The following FGA variants were observed in gnomAD, a reference collection of about 807,000 sequenced individuals.
The protein encoded by FGA is fibrinogen alpha chain.
Under a neutral mutation model 20.3 loss-of-function variants are expected in FGA, and 20 were observed. The ratio of observed to expected loss-of-function variants is 0.99; its 90% CI spans 0.69 to 1.43. The LOEUF (loss-of-function observed/expected upper bound fraction) is 1.43, where lower values mean the gene tolerates loss of function less well. FGA is among the 40% of genes most tolerant of loss of function. The pLI, the probability that FGA is intolerant of heterozygous loss-of-function variation, is 0.00. For synonymous variants in FGA, 306 were observed against 281.6 expected, an observed-to-expected ratio of 1.09 and a Z score of -0.87; for missense variants, 777 against 784.7, an observed-to-expected ratio of 0.99 and a Z score of 0.12.
rs1578795816 is a variant in FGA at position 154,586,275 on chromosome 4, T to C, written c.1154A>G (p.Gln385Arg). The change falls in exon 5 of 5, where the codon CAA (glutamine) becomes CGA (arginine). Residue 385 changes from glutamine (Q) to arginine (R), a missense_variant. Coordinates refer to ENST00000403106, the MANE Select transcript of FGA (RefSeq NM_021871.4). Reference sequence around the variant, plus strand: ...AAAACTTCCAGATTCAGAGTGCCATTGTCCAGTACTACCAGATACAGAGCT... The same window carrying C: ...AAAACTTCCAGATTCAGAGTGCCATCGTCCAGTACTACCAGATACAGAGCT... Reference protein sequence around the residue: ...SESSVSGSTGQWHSESGSFRP... With the variant: ...SESSVSGSTGRWHSESGSFRP... The C allele has an allele frequency of 3.7e-6, 6 of 1,614,154 alleles. No homozygotes were observed. Among genetic ancestry groups the C allele is most frequent in the Non-Finnish European group, 5.1e-6 (6 of 1,180,008 alleles).
At chr4:154,589,633 G>A (rs1291839508) in intron 1 of FGA, 71 bp from the exon 2 acceptor site, 1 of 1,546,960 alleles carries the variant, frequency 6.5e-7, no homozygotes, top group African/African-American at 1.4e-5. Context: ...ACAGTGGCAT[G>A]CCTACAAGTC....
Position 154,585,517 on chromosome 4 carries a change from C to T in FGA, c.1912G>A (p.Gly638Arg), listed in dbSNP as rs771429165. The T allele has an allele frequency of 3.7e-6, 6 of 1,610,812 alleles. No homozygotes were observed. In the East Asian group the frequency reaches 1.1e-4, roughly 30 times the overall value. ...GTCTAGGGGGACAGGGAAGGCTTCC[C>T]CAAAGGAGAAGTGTGGATACCTCTG... ...PVRGIHTSPL[G>R]KPSLSP Residue 638 changes from glycine (G) to arginine (R), a missense_variant, in exon 5 of 5, where the codon GGG becomes AGG. By Grantham distance (125) the Gly-to-Arg change is moderately radical. Transcript: ENST00000403106.
intron 2 of FGA, 36 bp from the exon 3 acceptor site, chr4:154,589,012 A>C (rs374355310): frequency 2.6e-6 from 4 of 1,525,488 alleles, no homozygotes; most frequent in South Asian, 1.1e-5. Flanking sequence ...GTAAGGATCT[A>C]TCTCTCAGAT....
intron 3 of FGA, 121 bp downstream of exon 3, chr4:154,588,672 A>G (rs1386349580): frequency 2.1e-5 from 16 of 751,532 alleles, no homozygotes; most frequent in Non-Finnish European, 1.9e-5. Flanking sequence ...TTATGAAGGT[A>G]TGTGTTTCTA....
Position 154,585,579 on chromosome 4 carries a change from T to C in FGA, c.1850A>G (p.His617Arg), listed in dbSNP as rs578214631. 3 of 1,614,174 alleles carry C rather than the reference T, an allele frequency of 1.9e-6. No individual in the cohort carries two copies. The highest frequency in any genetic ancestry group is 2.5e-6 in the Non-Finnish European group (3 of 1,180,008). Residue 617 changes from histidine (H) to arginine (R), a missense_variant, in exon 5 of 5, where the codon CAT (histidine) becomes CGT (arginine). His to Arg is a conservative substitution (Grantham distance 29). Transcript: ENST00000403106. Reference protein sequence around the residue: ...AGSEADHEGTHSTKRGHAKSR... With the variant: ...AGSEADHEGTRSTKRGHAKSR... Reference sequence around the variant, plus strand: ...TTTAGCATGGCCTCTCTTGGTGCTATGTGTTCCTTCATGATCGGCTTCACT... The same window carrying C: ...TTTAGCATGGCCTCTCTTGGTGCTACGTGTTCCTTCATGATCGGCTTCACT...
Position 154,588,975 on chromosome 4 carries a change from T to C in FGA, c.182A>G (p.Asn61Ser). Reference protein sequence around the residue: ...DWPFCSDEDWNYKCPSGCRMK... With the variant: ...DWPFCSDEDWSYKCPSGCRMK... ...CCTGCAGCCAGAAGGGCATTTGTAG[T>C]TCTGAAAGTGAAGGGAGAAAATTAC... The change falls in exon 3 of 5, where the codon AAC (asparagine) becomes AGC (serine). Residue 61 changes from asparagine to serine, a missense_variant and splice_region_variant. By Grantham distance (46) the Asn-to-Ser change is conservative (BLOSUM62 1). Coordinates refer to ENST00000403106, the MANE Select transcript of FGA (RefSeq NM_021871.4). The C allele has an allele frequency of 1.2e-6, 2 of 1,612,480 alleles. No individual in the cohort carries two copies. Among genetic ancestry groups the C allele is most frequent in the South Asian group, 1.1e-5 (1 of 91,044 alleles).
intron 3 of FGA, 45 bp downstream of exon 3, chr4:154,588,748 G>A: frequency 7.4e-7 from 1 of 1,342,684 alleles, no homozygotes; most frequent in Non-Finnish European, 1.1e-6. Flanking sequence ...TAGGATTTTT[G>A]TTGTTTCTGT....
intron 3 of FGA, 131 bp downstream of exon 3, chr4:154,588,662 T>G: frequency 1.4e-6 from 1 of 706,926 alleles, no homozygotes; most frequent in Non-Finnish European, 2.5e-6. Flanking sequence ...TTCAGGGATA[T>G]TATGAAGGTA....
rs1238328485 is a variant in FGA at position 154,586,605 on chromosome 4, G to A, written c.824C>T (p.Thr275Ile). The part of the protein sequence containing the change: ...GGNEITRGGS[T>I]SYGTGSETES... ...CGTCTCTGATCCGGTTCCATAAGAG[G>A]TGGAGCCTCCTCGAGTAATCTCATT... The change falls in exon 5 of 5, where the codon ACC (threonine) becomes ATC (isoleucine). Residue 275 changes from threonine to isoleucine, a missense_variant. Transcript: ENST00000403106. 6.2e-6 allele frequency: 10 copies of A among 1,613,864 alleles called. No homozygotes were observed. Among genetic ancestry groups the A allele is most frequent in the Non-Finnish European group, 7.6e-6 (9 of 1,179,980 alleles).
rs779880607 is a variant in FGA at position 154,586,323 on chromosome 4, C to T, written c.1106G>A (p.Ser369Asn). Residue 369 changes from serine to asparagine, a missense_variant, in exon 5 of 5, where the codon AGT becomes AAT. By Grantham distance (46) the Ser-to-Asn change is conservative. Coordinates refer to ENST00000403106, the MANE Select transcript of FGA (RefSeq NM_021871.4). ...GCTCTCAGAGGTCCAGTGCCCAGCA[C>T]TTCCGCGTTCAGAGCTGCCAGGATT... is the stretch of plus-strand genomic sequence containing the variant. ...TWNPGSSERGSAGHWTSESSV... is the reference protein window; with the variant it reads ...TWNPGSSERGNAGHWTSESSV... 8.7e-6 allele frequency: 14 copies of T among 1,614,100 alleles called. No homozygotes were observed. Among genetic ancestry groups the T allele is most frequent in the Non-Finnish European group, 1.0e-5 (12 of 1,180,038 alleles).
In FGA at chr4:154,588,859, T is replaced by G; in HGVS notation, c.298A>C (p.Lys100Gln). Residue 100 changes from lysine (K) to glutamine (Q), a missense_variant, in exon 3 of 5, where the codon AAG becomes CAG. Coordinates refer to ENST00000403106, the MANE Select transcript of FGA (RefSeq NM_021871.4). Reference protein sequence around the residue: ...NSLFEYQKNNKDSHSLTTNIM... With the variant: ...NSLFEYQKNNQDSHSLTTNIM... Reference sequence around the variant, plus strand: ...TTAGTGGTCAACGAATGAGAATCCTTATTGTTCTTCTGATATTCAAATAGT... The same window carrying G: ...TTAGTGGTCAACGAATGAGAATCCTGATTGTTCTTCTGATATTCAAATAGT... 1 of 1,612,370 alleles carries G rather than the reference T, an allele frequency of 6.2e-7. No individual in the cohort carries two copies. The highest frequency in any genetic ancestry group is 8.5e-7 in the Non-Finnish European group (1 of 1,178,830).
In FGA at chr4:154,587,492, G is replaced by T. The variant is rs1392569150; in HGVS notation, c.510+20C>A. ...TCTACTCAGAAACAAGGACATCTGG[G>T]ACCACAGCCACATACTTACCTCCAG... On this transcript the variant is annotated intron_variant, in intron 4 of 4. Transcript: ENST00000403106. The T allele has an allele frequency of 6.2e-7, 1 of 1,612,254 alleles. No homozygotes were observed.
chr4:154,587,785 AAGAAAG>A (rs962142987), intron 3 of FGA, 128 bp from the exon 4 acceptor site: 1 of 724,452 alleles, frequency 1.4e-6, no homozygotes, highest in African/African-American at 1.8e-5. Flanking sequence ...GAAAGAAAGA[AAGAAAG>A]AAAGAAAGAA....
downstream of FGA, chr4:154,583,706 T>C (rs1730639287): frequency 1.7e-5 from 3 of 178,858 alleles, no homozygotes; most frequent in South Asian, 3.8e-4. Flanking sequence ...TTCAGTGAGT[T>C]TTACCTTAAA....
intron 3 of FGA, 95 bp from the exon 4 acceptor site, chr4:154,587,752 A>AAAGAAAGAAAGAAAG: frequency 2.8e-6 from 1 of 358,974 alleles, no homozygotes. Flanking sequence ...AAGGAGAAAG[A>AAAGAAAGAAAGAAAG]AAGAAAGAAA....
rs1730678172 is a variant in FGA, at chr4:154,585,297, A to T, written c.*197T>A. 1 of 1,298,088 alleles carries T rather than the reference A, an allele frequency of 7.7e-7. No individual in the cohort carries two copies. Among genetic ancestry groups the T allele is most frequent in the African/African-American group, 1.5e-5 (1 of 67,040 alleles). The allele number at this position is 1,298,088 out of a possible 1,614,324, so 80.4% of individuals were successfully genotyped here. On this transcript the variant is annotated 3_prime_UTR_variant, in exon 5 of 5. Transcript: ENST00000403106. ...GAATTCATTCATCCATTTAACATGT[A>T]TTTATTGAGTCATGGCTCTGTACTG...
At chr4:154,587,428 A>G (rs780989456) in intron 4 of FGA, 84 bp downstream of exon 4, 1 of 1,225,734 alleles carries the variant, frequency 8.2e-7, no homozygotes, top group Non-Finnish European at 1.2e-6. Context: ...CTCTGCATAT[A>G]GTAGACACTC....
At chr4:154,584,083 T>C (rs770323062), downstream of FGA, 4 of 853,866 alleles carry the variant, frequency 4.7e-6, no homozygotes, top group South Asian at 6.3e-5. Flanking sequence ...TCCACTTCTC[T>C]AGCAAAGAAG....
In FGA at chr4:154,586,207, G is replaced by T. The variant is rs1217192306; in HGVS notation, c.1222C>A (p.Pro408Thr). 2 of 1,614,014 alleles carry T rather than the reference G, an allele frequency of 1.2e-6. No homozygotes were observed. The highest frequency in any genetic ancestry group is 1.7e-6 in the Non-Finnish European group (2 of 1,179,986). ...PGSGNARPNN[P>T]DWGTFEEVSG... ...ACCTCTTCAAATGTGCCCCAGTCTG[G>T]GTTGTTAGGCCTCGCGTTCCCAGAG... Residue 408 changes from proline (P) to threonine (T), a missense_variant, in exon 5 of 5, where the codon CCA (proline) becomes ACA (threonine). Coordinates refer to ENST00000403106, the MANE Select transcript of FGA (RefSeq NM_021871.4).
Sources: gnomAD v4.1 joint callset for allele counts on GRCh38, gnomAD v4.1.1 for gene constraint, MANE v1.5 for transcripts, NCBI Gene and HGNC (gene_info 2026-07-23, HGNC 2026-07-21) for gene names.